BCL7B: variants seen among roughly 807,000 people sequenced by gnomAD.
BCL7B encodes BAF chromatin remodeling complex subunit BCL7B.
A neutral mutation model predicts 26.5 loss-of-function variants in BCL7B; 11 were observed. That is an observed-to-expected ratio of 0.42 (90% CI 0.26 to 0.69). The LOEUF is 0.69. Ranked by LOEUF, BCL7B falls within the 30% of genes least tolerant of loss-of-function variation. The pLI is 0.28. For missense variants in BCL7B, 215 were observed against 264.4 expected (o/e 0.81, Z 1.30); for synonymous variants, 111 against 107.9 (o/e 1.03, Z -0.18).
chr7:73,556,088 T>C (rs1324631514), intron 1 of BCL7B, among the ~76,000 whole-genome samples: 1 of 152,168 alleles, frequency 6.6e-6, no homozygotes, highest in Admixed American at 6.5e-5. Context: ...AAGGTGTACC[T>C]GTTCTTAGGT....
At chr7:73,555,072 G>C (rs1792312520) in intron 1 of BCL7B, among the ~76,000 whole-genome samples, 1 of 151,978 alleles carries the variant, frequency 6.6e-6, no homozygotes, top group African/African-American at 2.4e-5. Flanking sequence ...TAATCATCAG[G>C]TTCAACCATA....
At chr7:73,547,415 A>G (rs1319614900) in intron 2 of BCL7B, among the ~76,000 whole-genome samples, 1 of 152,178 alleles carries the variant, frequency 6.6e-6, no homozygotes, top group Non-Finnish European at 1.5e-5. Context: ...GTGAACCATC[A>G]TTGCACCACT....
chr7:73,539,653 C>T, intron 4 of BCL7B: 1 of 500,108 alleles, frequency 2.0e-6, no homozygotes, highest in Non-Finnish European at 3.5e-6. Flanking sequence ...TAGCAGGCGT[C>T]AAATACTCAA....
At chr7:73,554,526 G>A (rs1335643179) in intron 1 of BCL7B, among the ~76,000 whole-genome samples, 3 of 151,834 alleles carry the variant, frequency 2.0e-5, no homozygotes, top group South Asian at 2.1e-4. Flanking sequence ...GGCCGGGCAC[G>A]GTGGCTCACA....
At chr7:73,545,914 G>A (rs1363775354) in intron 2 of BCL7B, among the ~76,000 whole-genome samples, 2 of 151,894 alleles carry the variant, frequency 1.3e-5, no homozygotes, top group East Asian at 2.0e-4. Flanking sequence ...GGCCGATCAC[G>A]AGGTCAGGAG....
chr7:73,557,555 C>A lies in BCL7B; in HGVS notation c.24G>T (p.Ala8=). 3 of 1,385,772 alleles carry A rather than the reference C, an allele frequency of 2.2e-6. No homozygotes were observed. The highest frequency in any genetic ancestry group is 3.0e-5 in the East Asian group (1 of 33,258). 85.8% of individuals were successfully genotyped at this position (1,385,772 alleles called of 1,614,324 possible). A position where few individuals can be genotyped will look rare whatever the true frequency, so the allele number is the denominator to read the frequency against. ...CGTCCTTGGCCCGGCTGCGGGTCTCCGCCCGGACCGACCGGCCCGACATGG... is the reference window on the plus strand; with the variant it reads ...CGTCCTTGGCCCGGCTGCGGGTCTCAGCCCGGACCGACCGGCCCGACATGG... MSGRSVR[A]ETRSRAKDDI... is the part of the protein sequence containing the mutation. Residue 8 remains alanine (A), a synonymous_variant, in exon 1 of 6, where the codon GCG becomes GCT. Coordinates refer to ENST00000223368, the MANE Select transcript of BCL7B (RefSeq NM_001707.4).
chr7:73,538,328 G>A (rs1400526509), intron 4 of BCL7B: 1 of 252,876 alleles, frequency 4.0e-6, no homozygotes, highest in East Asian at 7.0e-5. Flanking sequence ...GAGTTGCTAT[G>A]AGGACGAGAT....
intron 2 of BCL7B, among the ~76,000 whole-genome samples, chr7:73,547,323 C>CCCA (rs1791992922): frequency 6.6e-6 from 1 of 152,108 alleles, no homozygotes. Context: ...GTTTGCCAGG[C>CCCA]GTGGTGGCAC....
In BCL7B at chr7:73,537,384, C is replaced by T; in HGVS notation, c.523G>A (p.Glu175Lys). 1 of 1,613,934 alleles carries T rather than the reference C, an allele frequency of 6.2e-7. No individual in the cohort carries two copies. Among genetic ancestry groups the T allele is most frequent in the African/African-American group, 1.3e-5 (1 of 75,056 alleles). The change falls in exon 6 of 6, where the codon GAG becomes AAG. Residue 175 changes from glutamate to lysine, a missense_variant. Glu to Lys is a moderately conservative substitution (Grantham distance 56). Coordinates refer to ENST00000223368, the MANE Select transcript of BCL7B (RefSeq NM_001707.4). ...GGGGCACCTGAGTCTTCCTCTTCCT[C>T]AACGACCTAGGAGCAGGCAGAGCAT... ...EPVPLETQVV[E>K]EEEDSGAPPL... is the part of the protein sequence containing the mutation.
intron 3 of BCL7B, among the ~76,000 whole-genome samples, chr7:73,541,240 T>A (rs1018705629): frequency 2.6e-5 from 4 of 152,082 alleles, no homozygotes; most frequent in East Asian, 1.9e-4. Flanking sequence ...CACCAAAGTG[T>A]TTCCCCCTCC....
chr7:73,550,532 A>AGAGTCCGT (rs1792121295), intron 2 of BCL7B, among the ~76,000 whole-genome samples: 2 of 151,820 alleles, frequency 1.3e-5, no homozygotes, highest in South Asian at 4.1e-4. Context: ...CGACAGAGCG[A>AGAGTCCGT]GAGTCCGTCT....
chr7:73,554,042 C>T (rs2115826471), intron 1 of BCL7B, among the ~76,000 whole-genome samples: 1 of 151,286 alleles, frequency 6.6e-6, no homozygotes, highest in Admixed American at 6.6e-5. Context: ...ATCACCACTC[C>T]TTGCGGCCTC....
At chr7:73,537,659 G>A (rs529133617) in intron 5 of BCL7B, among the ~76,000 whole-genome samples, 6 of 152,130 alleles carry the variant, frequency 3.9e-5, no homozygotes, top group African/African-American at 7.2e-5. Context: ...AGGCTGAGAT[G>A]GGTGGATCAC....
chr7:73,543,705 G>A, intron 2 of BCL7B, 61 bp from the exon 3 acceptor site: 1 of 1,381,490 alleles, frequency 7.2e-7, no homozygotes, highest in East Asian at 2.3e-5. Flanking sequence ...AGAGAGGGAG[G>A]AGGGTGCTAT....
intron 1 of BCL7B, among the ~76,000 whole-genome samples, 198 bp from the exon 2 acceptor site, chr7:73,552,440 G>A (rs1792208966): frequency 6.6e-6 from 1 of 151,912 alleles, no homozygotes; most frequent in African/African-American, 2.4e-5. Context: ...TCAAGCCTAG[G>A]AGGTTGAGAA....
At chr7:73,539,788 G>GCT in intron 4 of BCL7B, 94 bp downstream of exon 4, 1 of 1,448,610 alleles carries the variant, frequency 6.9e-7, no homozygotes. Flanking sequence ...GCTCTGAGGT[G>GCT]CTCTCTCGAG....
In BCL7B at chr7:73,539,783, G is replaced by A. The variant is rs1791684036; in HGVS notation, c.436+99C>T. ...AAAGGGCTTGGTGCTGCCTGGCTCTGAGGTGCTCTCTCGAGCCTGTTACTC... is the reference window on the plus strand; with the variant it reads ...AAAGGGCTTGGTGCTGCCTGGCTCTAAGGTGCTCTCTCGAGCCTGTTACTC... On this transcript the variant is annotated intron_variant, in intron 4 of 5. Coordinates refer to ENST00000223368, the MANE Select transcript of BCL7B (RefSeq NM_001707.4). 2.1e-6 allele frequency: 3 copies of A among 1,413,236 alleles called. No homozygotes were observed. In the South Asian group the frequency reaches 3.9e-5, roughly 18 times the overall value. 87.5% of individuals were successfully genotyped at this position (1,413,236 alleles called of 1,614,324 possible).
At chr7:73,542,660 A>G (rs1301515455) in intron 3 of BCL7B, among the ~76,000 whole-genome samples, 1 of 152,216 alleles carries the variant, frequency 6.6e-6, no homozygotes, top group Non-Finnish European at 1.5e-5. Flanking sequence ...CCTAGCAGGT[A>G]GGTGTAAAAG....
intron 5 of BCL7B, 40 bp downstream of exon 5, chr7:73,537,893 CA>C (rs782796651): frequency 1.1e-5 from 16 of 1,504,576 alleles, no homozygotes; most frequent in Admixed American, 4.1e-5. Flanking sequence ...TGCCTTAAAC[CA>C]AAAAAACAAA....
Sources: allele counts gnomAD v4.1 joint callset (sites outside exome capture counted in the v4.1 genomes callset), GRCh38; gene constraint gnomAD v4.1.1; transcripts MANE v1.5; gene names NCBI Gene and HGNC (gene_info 2026-07-23, HGNC 2026-07-21).